Variants in SDK1 observed in about 807,000 individuals in gnomAD.
The protein encoded by SDK1 is sidekick cell adhesion molecule 1.
In SDK1, 157 loss-of-function variants were observed where a neutral mutation model predicts 245.5. The observed-to-expected ratio is 0.64, with a 90% CI of 0.56 to 0.73. The LOEUF (loss-of-function observed/expected upper bound fraction) is 0.73, where lower values mean the gene tolerates loss of function less well. Among genes scored for constraint, SDK1 ranks in the 30% least tolerant of loss-of-function variants. The pLI is 0.00. For missense variants in SDK1, 3,583 were observed against 3,002.3 expected, an observed-to-expected ratio of 1.19 and a Z score of -4.52; for synonymous variants, 1,647 against 1,278.5, an observed-to-expected ratio of 1.29 and a Z score of -6.15.
intron 1 of SDK1, among the ~76,000 whole-genome samples, chr7:3,571,782 A>G (rs1433246758): frequency 6.6e-6 from 1 of 152,064 alleles, no homozygotes; most frequent in East Asian, 1.9e-4. Context: ...TTTAACTTGG[A>G]TGGAGCAGTT....
At chr7:3,308,484 T>G (rs1349929954) in intron 1 of SDK1, among the ~76,000 whole-genome samples, 3 of 152,166 alleles carry the variant, frequency 2.0e-5, no homozygotes, top group Admixed American at 1.3e-4. Flanking sequence ...GGCACTTTAT[T>G]GATATACAGA....
chr7:3,573,750 G>A (rs975664495), intron 1 of SDK1, among the ~76,000 whole-genome samples: 8 of 152,034 alleles, frequency 5.3e-5, no homozygotes, highest in African/African-American at 1.9e-4. Context: ...GGTGGCTGAT[G>A]TGGCCACATA....
chr7:3,683,180 C>G (rs978223349), intron 4 of SDK1, among the ~76,000 whole-genome samples: 1 of 152,150 alleles, frequency 6.6e-6, no homozygotes, highest in African/African-American at 2.4e-5. Flanking sequence ...GCTTTTTCGT[C>G]TGTCTTTTCC....
chr7:4,005,162 C>A (rs564291593), intron 14 of SDK1, among the ~76,000 whole-genome samples: 4 of 149,842 alleles, frequency 2.7e-5, no homozygotes, highest in African/African-American at 7.4e-5. Flanking sequence ...TCTCCTGCCT[C>A]AGCCTCCCAA....
intron 1 of SDK1, among the ~76,000 whole-genome samples, chr7:3,359,516 G>A (rs993368617): frequency 1.3e-5 from 2 of 152,098 alleles, no homozygotes; most frequent in African/African-American, 4.8e-5. Flanking sequence ...TTTTTTGATT[G>A]TCTATTTTTG....
chr7:3,513,084 ATAT>A (rs966402108), intron 1 of SDK1, among the ~76,000 whole-genome samples: 2 of 152,176 alleles, frequency 1.3e-5, no homozygotes, highest in African/African-American at 2.4e-5. Flanking sequence ...GTCTTTAAAC[ATAT>A]TATGAGATTA....
intron 5 of SDK1, among the ~76,000 whole-genome samples, chr7:3,834,781 A>G (rs1779993494): frequency 6.6e-6 from 1 of 152,202 alleles, no homozygotes; most frequent in Non-Finnish European, 1.5e-5. Flanking sequence ...GGAAGAGTGC[A>G]TGACGAGTAA....
chr7:3,543,475 C>T (rs1428800715), intron 1 of SDK1, among the ~76,000 whole-genome samples: 1 of 152,222 alleles, frequency 6.6e-6, no homozygotes, highest in Admixed American at 6.5e-5. Context: ...GTGGGAGAGA[C>T]TGCCTTCCTC....
intron 5 of SDK1, among the ~76,000 whole-genome samples, chr7:3,907,712 G>A (rs530023398): frequency 4.6e-5 from 7 of 152,214 alleles, no homozygotes; most frequent in Admixed American, 1.3e-4. Context: ...TCACAAAGGT[G>A]TAGCACCGCA....
At chr7:3,774,105 C>T (rs1437268686) in intron 4 of SDK1, among the ~76,000 whole-genome samples, 1 of 151,064 alleles carries the variant, frequency 6.6e-6, no homozygotes, top group Non-Finnish European at 1.5e-5. Context: ...GTCCTAGTTA[C>T]TTGGGAGGCT....
intron 1 of SDK1, among the ~76,000 whole-genome samples, chr7:3,534,918 G>C (rs559074720): frequency 3.5e-4 from 53 of 152,262 alleles, no homozygotes; most frequent in East Asian, 1.5e-3. Flanking sequence ...AGACAAGACA[G>C]CGCCAGTCAG....
chr7:4,113,626 A>G (rs975667344), intron 24 of SDK1, among the ~76,000 whole-genome samples, 187 bp downstream of exon 24: 2 of 152,210 alleles, frequency 1.3e-5, no homozygotes, highest in African/African-American at 2.4e-5. Context: ...AGGAGATCTG[A>G]TTAATTAGTA....
intron 1 of SDK1, among the ~76,000 whole-genome samples, chr7:3,456,054 G>C (rs1401076634): frequency 2.6e-5 from 4 of 152,140 alleles, no homozygotes; most frequent in Admixed American, 2.6e-4. Context: ...AAAATGTGTT[G>C]AAAACCTTCT....
chr7:3,782,383 G>A (rs1185297505), intron 4 of SDK1, among the ~76,000 whole-genome samples: 1 of 152,186 alleles, frequency 6.6e-6, no homozygotes, highest in Non-Finnish European at 1.5e-5. Flanking sequence ...CTCCCATCAG[G>A]CCTCACCTCC....
At chr7:3,983,891 G>A (rs767162027) in intron 13 of SDK1, among the ~76,000 whole-genome samples, 4 of 152,164 alleles carry the variant, frequency 2.6e-5, no homozygotes, top group African/African-American at 7.2e-5. Context: ...GGGGACAGTC[G>A]CAGAGAAGGA....
chr7:3,663,283 A>G (rs971891987), intron 4 of SDK1, among the ~76,000 whole-genome samples: 2 of 152,214 alleles, frequency 1.3e-5, no homozygotes, highest in Non-Finnish European at 2.9e-5. Context: ...AGAAATGAAC[A>G]TCCATGTTTT....
chr7:3,611,890 A>C (rs921635430), intron 1 of SDK1, among the ~76,000 whole-genome samples: 3 of 152,170 alleles, frequency 2.0e-5, no homozygotes, highest in African/African-American at 7.2e-5. Flanking sequence ...AATGTAAATT[A>C]GTACGACCAT....
chr7:4,104,308 G>A (rs912383260), intron 22 of SDK1, among the ~76,000 whole-genome samples: 16 of 152,184 alleles, frequency 1.1e-4, no homozygotes, highest in Admixed American at 1.3e-4. Context: ...CAAACCTCCC[G>A]CTTTGGCCTC....
At chr7:4,155,120 C>G (rs1333234150) in intron 30 of SDK1, among the ~76,000 whole-genome samples, 1 of 152,064 alleles carries the variant, frequency 6.6e-6, no homozygotes, top group African/African-American at 2.4e-5. Flanking sequence ...GCACTGCCCT[C>G]TGCCTGCCTC....
Sources: gnomAD v4.1 joint callset for allele counts (sites outside exome capture counted in the v4.1 genomes callset) on GRCh38, gnomAD v4.1.1 for gene constraint, MANE v1.5 for transcripts, NCBI Gene and HGNC (gene_info 2026-07-23, HGNC 2026-07-21) for gene names.